Variants in SNX29 observed in about 807,000 individuals in gnomAD.
SNX29 encodes the protein sorting nexin 29.
In SNX29, 78 loss-of-function variants were observed where a neutral mutation model predicts 102.1. That is an observed-to-expected ratio of 0.76 (90% confidence interval 0.64 to 0.92). The LOEUF (loss-of-function observed/expected upper bound fraction) is 0.92. Ranked by LOEUF, SNX29 falls within the 40% of genes least tolerant of loss-of-function variation. SNX29 has a pLI of 0.00. For synonymous variants in SNX29, 580 were observed against 414.5 expected, an observed-to-expected ratio of 1.40 and a Z score of -4.85; for missense variants, 1,280 against 1,061.7, an observed-to-expected ratio of 1.21 and a Z score of -2.86.
At chr16:12,297,595 A>C (rs56266617) in intron 15 of SNX29, among the ~76,000 whole-genome samples, 15,334 of 152,088 alleles carry the variant, frequency 0.1, 1,037 homozygotes, top group Non-Finnish European at 0.15. Flanking sequence ...TATAAAGATC[A>C]CAGAGTTAAA....
chr16:12,442,749 C>G (rs1268484989), intron 18 of SNX29, among the ~76,000 whole-genome samples: 6 of 151,978 alleles, frequency 3.9e-5, no homozygotes, highest in Non-Finnish European at 5.9e-5. Flanking sequence ...TGACACCACA[C>G]CTGGCTAATT....
chr16:12,183,096 A>G (rs2076428271), intron 13 of SNX29, among the ~76,000 whole-genome samples: 1 of 152,032 alleles, frequency 6.6e-6, no homozygotes, highest in African/African-American at 2.4e-5. Context: ...GCCTCCTGGG[A>G]TCAAGCAATC....
chr16:12,176,686 G>A (rs1311850408), intron 13 of SNX29, among the ~76,000 whole-genome samples: 3 of 152,148 alleles, frequency 2.0e-5, no homozygotes, highest in South Asian at 2.1e-4. Context: ...GAGCACCCTT[G>A]GACTGTGGTA....
intron 19 of SNX29, among the ~76,000 whole-genome samples, chr16:12,517,887 A>G (rs1057118094): frequency 2.0e-5 from 3 of 152,160 alleles, no homozygotes; most frequent in African/African-American, 7.2e-5. Flanking sequence ...CAAAATGGCA[A>G]GGCCTTCTGG....
At chr16:12,567,574 A>G (rs2079063656) in intron 20 of SNX29, among the ~76,000 whole-genome samples, 1 of 152,100 alleles carries the variant, frequency 6.6e-6, no homozygotes, top group Non-Finnish European at 1.5e-5. Flanking sequence ...ACTTGAGACC[A>G]GCCTGGACAA....
In SNX29 at chr16:12,461,978, AATATATATAT is replaced by A. The variant is rs71139595; in HGVS notation, c.2038-15716_2038-15707del. 9.1e-4 allele frequency among the ~76,000 whole-genome samples: 25 copies of A among 27,346 alleles called. 1 individual carries two copies. Among genetic ancestry groups the A allele is most frequent in the East Asian group, 6.3e-3 (3 of 474 alleles). The allele number at this position is 27,346 out of a possible 152,430, so 17.9% of individuals were successfully genotyped here. The stretch of plus-strand genomic sequence containing the variant: ...CTCAAAAAAAAAAAAAAAAAAAAAA[AATATATATAT>A]ATATATATATATATATATATATATG... On this transcript the variant is annotated intron_variant, in intron 18 of 20. Coordinates refer to ENST00000566228, the MANE Select transcript of SNX29 (RefSeq NM_032167.5).
chr16:12,508,020 C>G (rs1278698455), intron 19 of SNX29, among the ~76,000 whole-genome samples: 3 of 152,236 alleles, frequency 2.0e-5, no homozygotes, highest in Non-Finnish European at 4.4e-5. Context: ...CAAATCCCAG[C>G]TCTGACGCTA....
At chr16:12,189,510 T>C (rs903173782) in intron 13 of SNX29, among the ~76,000 whole-genome samples, 5 of 152,198 alleles carry the variant, frequency 3.3e-5, no homozygotes, top group Non-Finnish European at 5.9e-5. Context: ...AGGCGATGCA[T>C]CTTTTTAGTG....
At chr16:12,466,513 C>T (rs1390267493) in intron 18 of SNX29, among the ~76,000 whole-genome samples, 2 of 152,134 alleles carry the variant, frequency 1.3e-5, no homozygotes, top group Non-Finnish European at 2.9e-5. Flanking sequence ...ACCAGATGAA[C>T]CTGCCGTCAG....
intron 4 of SNX29, among the ~76,000 whole-genome samples, chr16:12,040,066 C>A (rs1307394482): frequency 6.6e-6 from 1 of 152,114 alleles, no homozygotes; most frequent in Admixed American, 6.6e-5. Context: ...AGCATTACAA[C>A]TATGAAAATA....
intron 14 of SNX29, among the ~76,000 whole-genome samples, chr16:12,242,712 G>A (rs1334915635): frequency 2.7e-5 from 4 of 149,342 alleles, no homozygotes; most frequent in African/African-American, 9.9e-5. Flanking sequence ...GGAGTACAAT[G>A]ACGCAATCAC....
intron 15 of SNX29, among the ~76,000 whole-genome samples, chr16:12,308,928 A>T (rs1381615784): frequency 1.3e-5 from 2 of 152,240 alleles, no homozygotes; most frequent in Non-Finnish European, 2.9e-5. Context: ...GGAGAGAATG[A>T]GTCGGGGAAA....
rs372477972 is a variant in SNX29, at chr16:12,525,745, CAATT to C, written c.2318+907_2318+910del. On this transcript the variant is annotated intron_variant, in intron 20 of 20. Transcript: ENST00000566228. ...AAAAATCATTACACTTCAAAATTGT[CAATT>C]AACCCAACGGATGCTGCTGTTTTCA... is the stretch of plus-strand genomic sequence containing the variant. Among the ~76,000 whole-genome samples, 24 of 136,016 alleles carry C rather than the reference CAATT, an allele frequency of 1.8e-4. No individual in the cohort carries two copies. The East Asian group carries it at 2.2e-3, about 13-fold the overall frequency. The allele number at this position is 136,016 out of a possible 152,430, so 89.2% of individuals were successfully genotyped here.
intron 20 of SNX29, among the ~76,000 whole-genome samples, chr16:12,535,179 C>T (rs567559586): frequency 3.8e-4 from 58 of 152,198 alleles, no homozygotes; most frequent in Non-Finnish European, 6.9e-4. Flanking sequence ...CACTCTGTCA[C>T]CAAGGCTGGA....
At chr16:12,335,785 G>T (rs1429284998) in intron 15 of SNX29, among the ~76,000 whole-genome samples, 1 of 152,156 alleles carries the variant, frequency 6.6e-6, no homozygotes, top group African/African-American at 2.4e-5. Flanking sequence ...TTATTTCAGT[G>T]AATTTTTCAC....
At chr16:12,352,907 A>G (rs2082026984) in intron 15 of SNX29, among the ~76,000 whole-genome samples, 1 of 152,222 alleles carries the variant, frequency 6.6e-6, no homozygotes, top group South Asian at 2.1e-4. Context: ...AACTGAGGAT[A>G]GAAGGAAGCA....
At chr16:12,234,344 C>T (rs1442837020) in intron 14 of SNX29, among the ~76,000 whole-genome samples, 1 of 152,190 alleles carries the variant, frequency 6.6e-6, no homozygotes, top group Non-Finnish European at 1.5e-5. Context: ...AAATGGCTTA[C>T]TGGCCATTTG....
At chr16:12,443,691 T>A (rs2085911659) in intron 18 of SNX29, among the ~76,000 whole-genome samples, 1 of 152,210 alleles carries the variant, frequency 6.6e-6, no homozygotes, top group Non-Finnish European at 1.5e-5. Flanking sequence ...CCTCAGATAA[T>A]CTACCTGCCT....
rs548497830 is a variant in SNX29 at position 12,195,658 on chromosome 16, G to A, written c.1596-3943G>A. On this transcript the variant is annotated intron_variant, in intron 13 of 20. Transcript: ENST00000566228. ...CTCGTTTTCTCACGCAATTTTTCAAGGCCTTACGTTTTCAATGTTGCCCTG... is the reference window on the plus strand; with the variant it reads ...CTCGTTTTCTCACGCAATTTTTCAAAGCCTTACGTTTTCAATGTTGCCCTG... 2.0e-5 allele frequency among the ~76,000 whole-genome samples: 3 copies of A among 152,318 alleles called. No homozygotes were observed. The East Asian group carries it at 5.8e-4, about 29-fold the overall frequency.
Sources: gnomAD v4.1 joint callset for allele counts (sites outside exome capture counted in the v4.1 genomes callset) on GRCh38, gnomAD v4.1.1 for gene constraint, MANE v1.5 for transcripts, NCBI Gene and HGNC (gene_info 2026-07-23, HGNC 2026-07-21) for gene names.